The following OR2Z1 variants were observed in gnomAD, a reference collection of about 807,000 sequenced individuals.
OR2Z1 encodes the protein olfactory receptor family 2 subfamily Z member 1, also known as olfactory receptor 2Z1.
For synonymous variants in OR2Z1, 188 were observed against 160.6 expected (o/e 1.17, Z -1.29); for missense variants, 449 against 401.8 (o/e 1.12, Z -1.00).
chr19:8,729,876 C>A (rs1291598660), intron 2 of OR2Z1, among the ~76,000 whole-genome samples: 1 of 152,058 alleles, frequency 6.6e-6, no homozygotes, highest in Non-Finnish European at 1.5e-5. Flanking sequence ...AGCCATGAGC[C>A]ACCATCCCCG....
In OR2Z1 at chr19:8,731,695, C is replaced by T. The variant is rs782797857; in HGVS notation, c.667C>T (p.Gln223Ter). 6.2e-7 allele frequency: 1 copy of T among 1,614,198 alleles called. No individual in the cohort carries two copies. Among genetic ancestry groups the T allele is most frequent in the Admixed American group, 1.7e-5 (1 of 60,014 alleles). The change falls in exon 3 of 3, where the codon CAG becomes TAG. Residue 223 changes from glutamine (Q) to a stop codon, truncating the protein, a stop_gained. Coordinates refer to ENST00000641125, the MANE Select transcript of OR2Z1 (RefSeq NM_001004699.3). LOFTEE classifies it low-confidence loss of function (END_TRUNC). Reference sequence around the variant, plus strand: ...CGCCACCTCCTACGGCCACGTGTTGCAGGCTGTTCTAAGCATGCGCTCAGA... The same window carrying T: ...CGCCACCTCCTACGGCCACGTGTTGTAGGCTGTTCTAAGCATGCGCTCAGA... ...LIATSYGHVL[Q>*]AVLSMRSEEA...
At chr19:8,724,424 C>T (rs537064457) in intron 2 of OR2Z1, among the ~76,000 whole-genome samples, 25 of 152,094 alleles carry the variant, frequency 1.6e-4, no homozygotes, top group Middle Eastern at 3.4e-3. Flanking sequence ...CTTGTAGAGT[C>T]GGGATCTTGC....
In OR2Z1 at chr19:8,723,824, C is replaced by A. The variant is rs73489510; in HGVS notation, c.-170+674C>A. 1.8e-3 allele frequency among the ~76,000 whole-genome samples: 267 copies of A among 152,214 alleles called. 1 individual carries two copies. Among genetic ancestry groups the A allele is most frequent in the African/African-American group, 5.7e-3 (238 of 41,532 alleles). On this transcript the variant is annotated intron_variant, in intron 2 of 2. Transcript: ENST00000641125. Reference sequence around the variant, plus strand: ...TCCCAAAGGGCCACAATGCCTGAAACCAGGGGAAATGCCAGTCCTAGAACA... The same window carrying A: ...TCCCAAAGGGCCACAATGCCTGAAAACAGGGGAAATGCCAGTCCTAGAACA...
At chr19:8,724,196 AT>A (rs1555755938) in intron 2 of OR2Z1, among the ~76,000 whole-genome samples, 1 of 151,286 alleles carries the variant, frequency 6.6e-6, no homozygotes, top group African/African-American at 2.4e-5. Context: ...CTGTCTTCTC[AT>A]CCCCAAAATT....
At chr19:8,727,873 A>G (rs1373224630) in intron 2 of OR2Z1, among the ~76,000 whole-genome samples, 1 of 152,250 alleles carries the variant, frequency 6.6e-6, no homozygotes, top group Non-Finnish European at 1.5e-5. Context: ...TCTCAACCAA[A>G]ACAAAACCAA....
At chr19:8,730,710 GTCCAGCCGAACC>G (rs1425888654) in intron 2 of OR2Z1, 138 bp from the exon 3 acceptor site, 14 of 339,134 alleles carry the variant, frequency 4.1e-5, no homozygotes, top group African/African-American at 3.0e-4. Flanking sequence ...GAGGCACCAC[GTCCAGCCGAACC>G]TCAAATTTTT....
intron 2 of OR2Z1, among the ~76,000 whole-genome samples, chr19:8,730,002 C>T (rs2043344894): frequency 6.6e-6 from 1 of 151,998 alleles, no homozygotes; most frequent in Non-Finnish European, 1.5e-5. Flanking sequence ...AGCCACTGTG[C>T]CCAGCCAATT....
intron 2 of OR2Z1, chr19:8,729,278 CT>C: frequency 1.7e-6 from 1 of 576,068 alleles, no homozygotes; most frequent in East Asian, 3.2e-5. Flanking sequence ...TGCTGTTCCC[CT>C]ATTTATATTC....
chr19:8,727,667 G>C (rs1299802642), intron 2 of OR2Z1, among the ~76,000 whole-genome samples: 1 of 152,336 alleles, frequency 6.6e-6, no homozygotes, highest in Admixed American at 6.5e-5. Context: ...AGGAGTTTGA[G>C]ACCAGCCTGG....
intron 2 of OR2Z1, among the ~76,000 whole-genome samples, chr19:8,729,901 G>C (rs1010518497): frequency 1.8e-4 from 28 of 152,118 alleles, no homozygotes; most frequent in Admixed American, 6.5e-5. Context: ...CCAAGATGGG[G>C]TCTTGTCATG....
chr19:8,728,576 G>C (rs868909337), intron 2 of OR2Z1, among the ~76,000 whole-genome samples: 3 of 152,064 alleles, frequency 2.0e-5, no homozygotes, highest in Non-Finnish European at 4.4e-5. Context: ...ACGTTTGGGG[G>C]TACATATGCA....
At chr19:8,724,000 GT>G (rs2043317304) in intron 2 of OR2Z1, among the ~76,000 whole-genome samples, 8 of 132,364 alleles carry the variant, frequency 6.0e-5, no homozygotes, top group Middle Eastern at 3.4e-3. Context: ...GTGTGTGTGT[GT>G]GTGTGTGTGT....
chr19:8,727,631 CCAAGG>C, intron 2 of OR2Z1, among the ~76,000 whole-genome samples: 1 of 152,224 alleles, frequency 6.6e-6, no homozygotes, highest in Non-Finnish European at 1.5e-5. Flanking sequence ...CTTTGGGAGG[CCAAGG>C]CGAGCTGATC....
At chr19:8,726,583 T>G (rs782622761) in intron 2 of OR2Z1, among the ~76,000 whole-genome samples, 3 of 152,248 alleles carry the variant, frequency 2.0e-5, no homozygotes, top group Non-Finnish European at 4.4e-5. Flanking sequence ...TGTGCATTTA[T>G]CTTCTTGTTG....
At chr19:8,724,275 GC>G (rs1167730847) in intron 2 of OR2Z1, among the ~76,000 whole-genome samples, 2 of 151,420 alleles carry the variant, frequency 1.3e-5, no homozygotes, top group Non-Finnish European at 2.9e-5. Flanking sequence ...GTGTTCTGTT[GC>G]CCAGGCTGGA....
intron 2 of OR2Z1, among the ~76,000 whole-genome samples, chr19:8,724,555 T>C (rs186602046): frequency 6.6e-6 from 1 of 152,272 alleles, no homozygotes; most frequent in African/African-American, 2.4e-5. Flanking sequence ...GTCATTGTCA[T>C]CAAGGGCTTG....
chr19:8,731,924 T>C lies in OR2Z1; in HGVS notation c.896T>C (p.Met299Thr), dbSNP rs1555756885. Residue 299 changes from methionine to threonine, a missense_variant, in exon 3 of 3, where the codon ATG becomes ACG. Coordinates refer to ENST00000641125, the MANE Select transcript of OR2Z1 (RefSeq NM_001004699.3). Reference protein sequence around the residue: ...IYSLRNPEVWMALVKVLSRAG... With the variant: ...IYSLRNPEVWTALVKVLSRAG... The stretch of plus-strand genomic sequence containing the variant: ...AGTCTGAGGAATCCGGAGGTGTGGA[T>C]GGCTTTGGTCAAAGTGCTTAGCAGA... 1.2e-6 allele frequency: 2 copies of C among 1,614,080 alleles called. No homozygotes were observed. Among genetic ancestry groups the C allele is most frequent in the Admixed American group, 1.7e-5 (1 of 60,010 alleles).
Position 8,732,030 on chromosome 19 carries a change from AAGT to A in OR2Z1, c.*59_*61del. 7.3e-7 allele frequency: 1 copy of A among 1,368,090 alleles called. No individual in the cohort carries two copies. The highest frequency in any genetic ancestry group is 2.3e-5 in the East Asian group (1 of 43,284). 84.7% of individuals were successfully genotyped at this position (1,368,090 alleles called of 1,614,324 possible). The stretch of plus-strand genomic sequence containing the variant: ...GTCCTCGATCCCACCCACCTTCCCA[AAGT>A]ATGCATTTGGCATTCAATTGCCAAT... On this transcript the variant is annotated 3_prime_UTR_variant, in exon 3 of 3. Transcript: ENST00000641125.
intron 2 of OR2Z1, among the ~76,000 whole-genome samples, chr19:8,727,461 G>C (rs1370704191): frequency 6.6e-6 from 1 of 152,116 alleles, no homozygotes; most frequent in Non-Finnish European, 1.5e-5. Context: ...AAACTCAGAC[G>C]AGTTAATGGG....
Sources: allele counts gnomAD v4.1 joint callset (sites outside exome capture counted in the v4.1 genomes callset), GRCh38; gene constraint gnomAD v4.1.1; transcripts MANE v1.5; gene names NCBI Gene and HGNC (gene_info 2026-07-23, HGNC 2026-07-21).